Variants in ANO3 observed in about 807,000 individuals in gnomAD.
The protein encoded by ANO3 is anoctamin-3.
In ANO3, 99 loss-of-function variants were observed where a neutral mutation model predicts 144.8. The observed-to-expected ratio is 0.68, with a 90% CI of 0.58 to 0.81. The LOEUF (loss-of-function observed/expected upper bound fraction) is 0.81, where lower values mean the gene tolerates loss of function less well. Among genes scored for constraint, ANO3 ranks in the 30% least tolerant of loss-of-function variants. ANO3 has a pLI of 0.00. For synonymous variants in ANO3, 414 were observed against 392.6 expected, an observed-to-expected ratio of 1.05 and a Z score of -0.64; for missense variants, 905 against 1,202.2, an observed-to-expected ratio of 0.75 and a Z score of 3.66.
At chr11:26,254,282 C>T (rs749676801) in intron 1 of ANO3, among the ~76,000 whole-genome samples, 1 of 152,006 alleles carries the variant, frequency 6.6e-6, no homozygotes, top group East Asian at 1.9e-4. Context: ...AGTTTAGGAG[C>T]TAATATGTTG....
intron 1 of ANO3, among the ~76,000 whole-genome samples, chr11:26,350,649 T>C (rs1158378074): frequency 6.6e-6 from 1 of 152,208 alleles, no homozygotes; most frequent in Non-Finnish European, 1.5e-5. Flanking sequence ...TATTTTGATA[T>C]AATGACTCAG....
At chr11:26,379,784 C>T (rs1252497601) in intron 1 of ANO3, among the ~76,000 whole-genome samples, 1 of 151,900 alleles carries the variant, frequency 6.6e-6, no homozygotes, top group Admixed American at 6.6e-5. Flanking sequence ...CAGTAAAACC[C>T]CGTTTCAAAA....
At chr11:26,430,258 A>AT (rs1430520272) in intron 1 of ANO3, among the ~76,000 whole-genome samples, 1 of 151,696 alleles carries the variant, frequency 6.6e-6, no homozygotes, top group Non-Finnish European at 1.5e-5. Flanking sequence ...AAAAAAAAAA[A>AT]AAAGTAAGTC....
chr11:26,443,866 C>T, intron 3 of ANO3, 30 bp downstream of exon 3: 2 of 1,448,920 alleles, frequency 1.4e-6, no homozygotes, highest in South Asian at 2.4e-5. Context: ...TTACCTACTC[C>T]TTTCCCTCTC....
In ANO3 at chr11:26,642,049, A is replaced by G. The variant is rs113311497; in HGVS notation, c.2275+20A>G. Reference sequence around the variant, plus strand: ...AAATGGGTAAGGAAAAAAAATCTGCAGGACTATTTGGCCTTCTTGATACAA... The same window carrying G: ...AAATGGGTAAGGAAAAAAAATCTGCGGGACTATTTGGCCTTCTTGATACAA... On this transcript the variant is annotated intron_variant, in intron 22 of 26. Transcript: ENST00000256737. 30 of 1,598,702 alleles carry G rather than the reference A, an allele frequency of 1.9e-5. No individual in the cohort carries two copies. The African/African-American group carries it at 3.0e-4, about 16-fold the overall frequency.
chr11:26,370,748 A>G (rs936646069), intron 1 of ANO3, among the ~76,000 whole-genome samples: 2 of 152,278 alleles, frequency 1.3e-5, no homozygotes, highest in East Asian at 3.9e-4. Flanking sequence ...CTTGTTGGAA[A>G]CTGGAGTAAA....
intron 8 of ANO3, among the ~76,000 whole-genome samples, chr11:26,531,991 A>G (rs1363493711): frequency 6.6e-6 from 1 of 152,220 alleles, no homozygotes; most frequent in Non-Finnish European, 1.5e-5. Flanking sequence ...ATGTAAATTT[A>G]TAATTAACTG....
At chr11:26,351,114 A>G (rs963350646) in intron 1 of ANO3, among the ~76,000 whole-genome samples, 2 of 152,156 alleles carry the variant, frequency 1.3e-5, no homozygotes, top group Non-Finnish European at 2.9e-5. Flanking sequence ...ATTCAGAGAT[A>G]TACACATTCT....
chr11:26,404,933 ATGTGTG>A (rs56103536), intron 1 of ANO3, among the ~76,000 whole-genome samples: 10,370 of 146,152 alleles, frequency 0.071, 443 homozygotes, highest in African/African-American at 0.11. Context: ...ATTTATATAT[ATGTGTG>A]TGTGTGTGTG....
intron 1 of ANO3, among the ~76,000 whole-genome samples, chr11:26,377,980 T>A (rs560117805): frequency 4.6e-5 from 7 of 152,190 alleles, no homozygotes; most frequent in African/African-American, 1.4e-4. Context: ...CTGAGTTTTT[T>A]AATATGTACC....
chr11:26,336,825 ATTCTT>A (rs1477604201), intron 1 of ANO3, among the ~76,000 whole-genome samples: 1 of 152,202 alleles, frequency 6.6e-6, no homozygotes, highest in Non-Finnish European at 1.5e-5. Context: ...TTCACAGTCT[ATTCTT>A]TTATTTATGA....
intron 14 of ANO3, among the ~76,000 whole-genome samples, chr11:26,566,142 C>A (rs954330361): frequency 6.6e-6 from 1 of 151,894 alleles, no homozygotes; most frequent in African/African-American, 2.4e-5. Context: ...CCTCAAGCCA[C>A]ACACTGCTAT....
intron 1 of ANO3, among the ~76,000 whole-genome samples, chr11:26,365,790 G>A (rs1856053467): frequency 6.6e-6 from 1 of 151,950 alleles, no homozygotes; most frequent in Admixed American, 6.6e-5. Context: ...CTCTGGGCTG[G>A]CCTGTGAGGT....
At chr11:26,537,582 T>A (rs962752126) in intron 10 of ANO3, 121 bp downstream of exon 10, 1 of 820,522 alleles carries the variant, frequency 1.2e-6, no homozygotes. Context: ...CAAGTAGCCA[T>A]GGGCCTTCTG....
chr11:26,205,497 C>G (rs529351989), intron 1 of ANO3, among the ~76,000 whole-genome samples: 5 of 152,082 alleles, frequency 3.3e-5, no homozygotes, highest in Non-Finnish European at 7.4e-5. Flanking sequence ...GATCAAGAAG[C>G]CTACTGACAG....
chr11:26,344,368 C>T (rs374367732), intron 1 of ANO3, among the ~76,000 whole-genome samples: 3 of 137,982 alleles, frequency 2.2e-5, no homozygotes, highest in Non-Finnish European at 3.1e-5. Context: ...AAAATATTGT[C>T]TTTTTTTTTT....
Position 26,376,171 on chromosome 11 carries a change from G to A in ANO3, c.46+43850G>A, listed in dbSNP as rs531527422. Among the ~76,000 whole-genome samples, 8 of 152,180 alleles carry A rather than the reference G, an allele frequency of 5.3e-5. No individual in the cohort carries two copies. The East Asian group carries it at 5.8e-4, about 11-fold the overall frequency. On this transcript the variant is annotated intron_variant, in intron 1 of 26. Transcript: ENST00000256737. Reference sequence around the variant, plus strand: ...ACCAAATGATAAGAAATCATTGTACGTGGGTGAAAAAGAGTGAAATAATTA... The same window carrying A: ...ACCAAATGATAAGAAATCATTGTACATGGGTGAAAAAGAGTGAAATAATTA...
chr11:26,492,368 T>C (rs1006567606), intron 4 of ANO3, among the ~76,000 whole-genome samples: 1 of 152,230 alleles, frequency 6.6e-6, no homozygotes, highest in African/African-American at 2.4e-5. Context: ...TGGGTCATTC[T>C]ACTTATATAA....
At chr11:26,413,062 T>A (rs1857475865) in intron 1 of ANO3, among the ~76,000 whole-genome samples, 1 of 152,032 alleles carries the variant, frequency 6.6e-6, no homozygotes, top group African/African-American at 2.4e-5. Flanking sequence ...GGAACATATT[T>A]TTTGTGCCTC....
Sources: allele counts gnomAD v4.1 joint callset (sites outside exome capture counted in the v4.1 genomes callset), GRCh38; gene constraint gnomAD v4.1.1; transcripts MANE v1.5; gene names NCBI Gene and HGNC (gene_info 2026-07-23, HGNC 2026-07-21).